PAK5: variants seen among roughly 807,000 people sequenced by gnomAD.
PAK5 encodes p21 (RAC1) activated kinase 5.
A neutral mutation model predicts 65.9 loss-of-function variants in PAK5; 16 were observed. That is an observed-to-expected ratio of 0.24 (90% CI 0.16 to 0.37). PAK5 has a LOEUF of 0.37. Among genes scored for constraint, PAK5 ranks in the 10% least tolerant of loss-of-function variants. The pLI, the probability that PAK5 is intolerant of heterozygous loss-of-function variation, is 1.00. For missense variants in PAK5, 785 were observed against 903.9 expected, an observed-to-expected ratio of 0.87 and a Z score of 1.69; for synonymous variants, 371 against 354.9, an observed-to-expected ratio of 1.05 and a Z score of -0.51.
chr20:9,712,554 T>C (rs751783394), intron 1 of PAK5, among the ~76,000 whole-genome samples: 16 of 152,098 alleles, frequency 1.1e-4, no homozygotes, highest in Non-Finnish European at 1.5e-4. Flanking sequence ...AGACTCCGAA[T>C]AACTAAAGCA....
At chr20:9,748,164 C>T (rs1034889949) in intron 1 of PAK5, among the ~76,000 whole-genome samples, 1 of 152,038 alleles carries the variant, frequency 6.6e-6, no homozygotes, top group African/African-American at 2.4e-5. Context: ...GAACTACAAA[C>T]CACTGCTCAA....
intron 7 of PAK5, among the ~76,000 whole-genome samples, chr20:9,551,469 C>T (rs182820792): frequency 5.3e-5 from 8 of 152,266 alleles, no homozygotes; most frequent in South Asian, 2.1e-4. Flanking sequence ...CCATCTCTCA[C>T]GTGTCCTGGC....
chr20:9,576,785 T>A (rs1396696126), intron 4 of PAK5, among the ~76,000 whole-genome samples: 3 of 152,188 alleles, frequency 2.0e-5, no homozygotes, highest in African/African-American at 7.2e-5. Flanking sequence ...ATACTAAGCC[T>A]CTTAAAACCC....
intron 5 of PAK5, among the ~76,000 whole-genome samples, chr20:9,563,563 T>A (rs2045625147): frequency 6.6e-6 from 1 of 152,160 alleles, no homozygotes; most frequent in African/African-American, 2.4e-5. Context: ...ATTGAAAGAA[T>A]ATATATTGAA....
chr20:9,564,521 T>C (rs2045641401), intron 5 of PAK5, among the ~76,000 whole-genome samples: 2 of 152,214 alleles, frequency 1.3e-5, no homozygotes, highest in African/African-American at 4.8e-5. Flanking sequence ...TTTATTCATA[T>C]CTAGCAGATG....
intron 3 of PAK5, among the ~76,000 whole-genome samples, chr20:9,617,025 A>C (rs2046669524): frequency 6.6e-6 from 1 of 152,252 alleles, no homozygotes; most frequent in African/African-American, 2.4e-5. Flanking sequence ...CCTGAGAGGC[A>C]TAACTGAGTC....
chr20:9,687,125 G>A (rs1221597482), intron 2 of PAK5, among the ~76,000 whole-genome samples: 1 of 152,180 alleles, frequency 6.6e-6, no homozygotes, highest in Non-Finnish European at 1.5e-5. Context: ...CCTATCTTAT[G>A]CCCAGGCTGT....
At chr20:9,591,392 T>C (rs1177493295) in intron 3 of PAK5, among the ~76,000 whole-genome samples, 1 of 152,014 alleles carries the variant, frequency 6.6e-6, no homozygotes, top group African/African-American at 2.4e-5. Context: ...TCCAAACCCT[T>C]TGAGATACAA....
chr20:9,787,818 C>G (rs924284022), intron 1 of PAK5, among the ~76,000 whole-genome samples: 2 of 152,004 alleles, frequency 1.3e-5, no homozygotes, highest in Admixed American at 6.6e-5. Flanking sequence ...AATAACCACA[C>G]AATCACAGAT....
chr20:9,710,361 G>A (rs887288647), intron 2 of PAK5, among the ~76,000 whole-genome samples: 6 of 152,070 alleles, frequency 3.9e-5, no homozygotes, highest in Non-Finnish European at 7.4e-5. Context: ...TCAGAAGCAG[G>A]CCACAGACAT....
intron 1 of PAK5, among the ~76,000 whole-genome samples, chr20:9,782,049 T>G: frequency 6.6e-6 from 1 of 152,154 alleles, no homozygotes; most frequent in Non-Finnish European, 1.5e-5. Context: ...GAGCCTTATA[T>G]GATCTACTCC....
At chr20:9,605,721 GAGTTAGAGACCAGCCT>G (rs1339434597) in intron 3 of PAK5, among the ~76,000 whole-genome samples, 13 of 152,100 alleles carry the variant, frequency 8.5e-5, no homozygotes, top group Non-Finnish European at 1.5e-4. Context: ...TCGAGACCAG[GAGTTAGAGACCAGCCT>G]GGTCAACATG....
chr20:9,814,539 C>T (rs565489150), intron 1 of PAK5, among the ~76,000 whole-genome samples: 3 of 152,258 alleles, frequency 2.0e-5, no homozygotes, highest in South Asian at 2.1e-4. Flanking sequence ...AATATCACAA[C>T]ACTGTTAACT....
intron 3 of PAK5, among the ~76,000 whole-genome samples, chr20:9,625,087 G>A (rs1373326680): frequency 6.6e-6 from 1 of 151,956 alleles, no homozygotes; most frequent in Non-Finnish European, 1.5e-5. Flanking sequence ...ACATCCACCA[G>A]CCATCTCCAC....
chr20:9,812,205 T>C (rs1600400548), intron 1 of PAK5, among the ~76,000 whole-genome samples: 1 of 152,014 alleles, frequency 6.6e-6, no homozygotes, highest in African/African-American at 2.4e-5. Context: ...CAAGCCACAG[T>C]CTGGGAGAAA....
chr20:9,733,734 C>T (rs1039585235), intron 1 of PAK5, among the ~76,000 whole-genome samples: 5 of 152,066 alleles, frequency 3.3e-5, no homozygotes, highest in South Asian at 2.1e-4. Flanking sequence ...TGTGAGACAC[C>T]GCACCTGGCT....
intron 1 of PAK5, among the ~76,000 whole-genome samples, chr20:9,767,026 C>T (rs1465543951): frequency 2.0e-5 from 3 of 152,166 alleles, no homozygotes; most frequent in Non-Finnish European, 2.9e-5. Context: ...CCCCCACGTT[C>T]GGCCAAAATA....
intron 1 of PAK5, among the ~76,000 whole-genome samples, chr20:9,794,837 G>A (rs1011263427): frequency 1.3e-5 from 2 of 151,690 alleles, no homozygotes; most frequent in African/African-American, 2.4e-5. Context: ...TCATACATTC[G>A]ACGAAAGAAA....
At chr20:9,747,808 T>C (rs2048526289) in intron 1 of PAK5, among the ~76,000 whole-genome samples, 1 of 150,284 alleles carries the variant, frequency 6.7e-6, no homozygotes, top group African/African-American at 2.4e-5. Context: ...CCACTCCTAT[T>C]CAACATAGTG....
Sources: gnomAD v4.1 joint callset for allele counts (sites outside exome capture counted in the v4.1 genomes callset) on GRCh38, gnomAD v4.1.1 for gene constraint, MANE v1.5 for transcripts, NCBI Gene and HGNC (gene_info 2026-07-23, HGNC 2026-07-21) for gene names.